CPVL: variants seen among roughly 807,000 people sequenced by gnomAD.
The protein encoded by CPVL is carboxypeptidase vitellogenic like, also known as probable serine carboxypeptidase CPVL.
Under a neutral mutation model 63.7 loss-of-function variants are expected in CPVL, and 51 were observed. The ratio of observed to expected loss-of-function variants is 0.80; its 90% CI spans 0.64 to 1.01. The LOEUF is 1.01. CPVL is among the 50% of genes least tolerant of loss of function. The pLI, the probability that CPVL is intolerant of heterozygous loss-of-function variation, is 0.00. For missense variants in CPVL, 530 were observed against 573.1 expected (o/e 0.92, Z 0.77); for synonymous variants, 195 against 206.0 (o/e 0.95, Z 0.46).
At chr7:29,149,443 C>G (rs1325957487), upstream of CPVL, among the ~76,000 whole-genome samples, 2 of 152,084 alleles carry the variant, frequency 1.3e-5, no homozygotes, top group Non-Finnish European at 2.9e-5. Context: ...ATCCACCTGC[C>G]TTGGCCTCCC....
chr7:29,063,092 G>T (rs1171275521), intron 11 of CPVL, among the ~76,000 whole-genome samples: 1 of 152,140 alleles, frequency 6.6e-6, no homozygotes, highest in Non-Finnish European at 1.5e-5. Flanking sequence ...TTTGCTCTTG[G>T]TGTCCTCCTT....
rs546690227 is a variant in CPVL, at chr7:29,072,096, C to T, written c.733-192G>A. ...CAGAACACAACACAATACAAACACA[C>T]ACACATTTGCACTGACAGCCAATGT... On this transcript the variant is annotated intron_variant, in intron 8 of 12. Coordinates refer to ENST00000265394, the MANE Select transcript of CPVL (RefSeq NM_031311.5). Among the ~76,000 whole-genome samples, 4 of 152,294 alleles carry T rather than the reference C, an allele frequency of 2.6e-5. No individual in the cohort carries two copies. In the South Asian group the frequency reaches 6.2e-4, roughly 24 times the overall value.
intron 1 of CPVL, among the ~76,000 whole-genome samples, chr7:29,143,287 G>A (rs1792098109): frequency 6.6e-6 from 1 of 152,118 alleles, no homozygotes; most frequent in Non-Finnish European, 1.5e-5. Flanking sequence ...TGTTTTTACA[G>A]CTTTGCTGAG....
chr7:29,024,104 G>C (rs1177239549), intron 12 of CPVL, among the ~76,000 whole-genome samples: 1 of 152,016 alleles, frequency 6.6e-6, no homozygotes, highest in Non-Finnish European at 1.5e-5. Flanking sequence ...CAGAAAAACA[G>C]TTCATAATCA....
chr7:29,016,640 A>G (rs960694178), intron 12 of CPVL, among the ~76,000 whole-genome samples: 2 of 152,226 alleles, frequency 1.3e-5, no homozygotes, highest in African/African-American at 2.4e-5. Flanking sequence ...GGCTCCATAT[A>G]CTAAACCCAG....
intron 5 of CPVL, among the ~76,000 whole-genome samples, chr7:29,164,581 GA>G (rs1795644860): frequency 6.6e-6 from 1 of 151,824 alleles, no homozygotes; most frequent in African/African-American, 2.4e-5. Flanking sequence ...ACTCAGAAGA[GA>G]CCAGCCTGAG....
intron 11 of CPVL, among the ~76,000 whole-genome samples, chr7:29,035,644 T>C (rs1344577867): frequency 6.6e-6 from 1 of 152,220 alleles, no homozygotes; most frequent in Non-Finnish European, 1.5e-5. Flanking sequence ...GAGTGCGTGC[T>C]ACATCCCCAG....
intron 9 of CPVL, among the ~76,000 whole-genome samples, chr7:29,067,568 T>C (rs544196297): frequency 6.7e-6 from 1 of 149,486 alleles, no homozygotes; most frequent in Non-Finnish European, 1.5e-5. Flanking sequence ...GACTGCAGCA[T>C]CAGGGGAGAG....
intron 11 of CPVL, among the ~76,000 whole-genome samples, chr7:29,033,330 C>T (rs1037158384): frequency 8.9e-4 from 135 of 152,242 alleles, no homozygotes; most frequent in Middle Eastern, 3.4e-3. Flanking sequence ...GACCCAGTGG[C>T]TGAGCATGAG....
At chr7:29,035,888 A>C (rs1294583411) in intron 11 of CPVL, among the ~76,000 whole-genome samples, 1 of 152,218 alleles carries the variant, frequency 6.6e-6, no homozygotes, top group Non-Finnish European at 1.5e-5. Flanking sequence ...GCAAAGGATA[A>C]GCACATTACC....
chr7:29,086,404 T>C, intron 7 of CPVL, 80 bp downstream of exon 7: 4 of 1,011,208 alleles, frequency 4.0e-6, no homozygotes, highest in Non-Finnish European at 6.3e-6. Flanking sequence ...ATATAGATTT[T>C]AAATGAACAA....
intron 9 of CPVL, among the ~76,000 whole-genome samples, chr7:29,069,277 T>C (rs1328394112): frequency 6.6e-6 from 1 of 151,314 alleles, no homozygotes; most frequent in Non-Finnish European, 1.5e-5. Flanking sequence ...CCGTCTCTAC[T>C]AAAAATAAGA....
At chr7:29,190,228 T>C (rs377496969) in intron 1 of CPVL, among the ~76,000 whole-genome samples, 5 of 152,330 alleles carry the variant, frequency 3.3e-5, no homozygotes, top group East Asian at 1.9e-4. Context: ...TGTTGAGAAA[T>C]TGATGGCAAA....
intron 12 of CPVL, among the ~76,000 whole-genome samples, chr7:29,003,451 C>A (rs542234600): frequency 6.6e-6 from 1 of 152,222 alleles, no homozygotes; most frequent in South Asian, 2.1e-4. Flanking sequence ...GTCAGCAGAC[C>A]TGCACTAAAA....
At chr7:29,120,151 G>A (rs1789211772) in intron 2 of CPVL, among the ~76,000 whole-genome samples, 1 of 152,192 alleles carries the variant, frequency 6.6e-6, no homozygotes, top group South Asian at 2.1e-4. Flanking sequence ...GCTGGGTGCG[G>A]TGGCTCATGC....
At chr7:29,042,524 G>A (rs1789209186) in intron 11 of CPVL, among the ~76,000 whole-genome samples, 3 of 152,080 alleles carry the variant, frequency 2.0e-5, no homozygotes, top group Admixed American at 6.6e-5. Context: ...AGGGTCTTTT[G>A]AACCCAGGAG....
At chr7:29,030,531 C>T (rs199591308) in intron 12 of CPVL, 46 bp downstream of exon 12, 14 of 1,565,404 alleles carry the variant, frequency 8.9e-6, no homozygotes, top group South Asian at 3.6e-5. Flanking sequence ...TTTTCAATCC[C>T]GCTCTCCCAT....
At chr7:29,006,694 C>G (rs1198045192) in intron 12 of CPVL, among the ~76,000 whole-genome samples, 1 of 152,118 alleles carries the variant, frequency 6.6e-6, no homozygotes, top group Non-Finnish European at 1.5e-5. Context: ...CTAAATGTCT[C>G]TAGGTTCTGG....
rs1382323573 is a variant in CPVL at position 29,010,298 on chromosome 7, T to C, written c.1321-14416A>G. The C allele has an allele frequency of 2.0e-5, 3 of 151,914 alleles. No homozygotes were observed. In the East Asian group the frequency reaches 5.8e-4, roughly 29 times the overall value. 9.4% of individuals were successfully genotyped at this position (151,914 alleles called of 1,614,324 possible). On this transcript the variant is annotated intron_variant, in intron 12 of 12. Transcript: ENST00000265394. ...TTGTTTTGTTTTGATAGTTTTTTAC[T>C]CTCTAAATGTAAGCTCCTATATTTC...
Sources: gnomAD v4.1 joint callset for allele counts (sites outside exome capture counted in the v4.1 genomes callset) on GRCh38, gnomAD v4.1.1 for gene constraint, MANE v1.5 for transcripts, NCBI Gene and HGNC (gene_info 2026-07-23, HGNC 2026-07-21) for gene names.